RFC3: variants seen among roughly 807,000 people sequenced by gnomAD.
RFC3 encodes A1 38 kDa subunit.
RFC3 carries 41 observed loss-of-function variants against 45.1 expected under a neutral mutation model. That is an observed-to-expected ratio of 0.91 (90% CI 0.71 to 1.18). The LOEUF (loss-of-function observed/expected upper bound fraction) is 1.18. Among genes scored for constraint, RFC3 ranks in the 50% most tolerant of loss-of-function variants. RFC3 has a pLI of 0.00. For missense variants in RFC3, 423 were observed against 428.1 expected, an observed-to-expected ratio of 0.99 and a Z score of 0.10; for synonymous variants, 149 against 144.0, an observed-to-expected ratio of 1.03 and a Z score of -0.25.
the RFC3 span, among the ~76,000 whole-genome samples, chr13:33,974,678 G>C: frequency 1.3e-5 from 2 of 152,138 alleles, no homozygotes; most frequent in African/African-American, 4.8e-5. Flanking sequence ...TATCAGAATA[G>C]ATTTTAAAGA....
At chr13:33,974,042 C>T in the RFC3 span, among the ~76,000 whole-genome samples, 1 of 152,110 alleles carries the variant, frequency 6.6e-6, no homozygotes, top group Non-Finnish European at 1.5e-5. Context: ...AGATACAGGA[C>T]TGGCAGTAAC....
At chr13:33,933,931 T>G in intron 8 of RFC3, among the ~76,000 whole-genome samples, 1 of 143,860 alleles carries the variant, frequency 7.0e-6, no homozygotes. Context: ...GGGAGGGAGA[T>G]GAATGGTATG....
intron 8 of RFC3, among the ~76,000 whole-genome samples, chr13:33,940,075 A>G (rs1001429231): frequency 2.6e-5 from 4 of 151,970 alleles, no homozygotes; most frequent in African/African-American, 9.7e-5. Flanking sequence ...ATTAATTTTT[A>G]TTCCTAATTT....
At chr13:33,830,332 A>C (rs1359849603) in intron 5 of RFC3, among the ~76,000 whole-genome samples, 1 of 152,232 alleles carries the variant, frequency 6.6e-6, no homozygotes, top group Non-Finnish European at 1.5e-5. Context: ...GGAGGCTGGA[A>C]TATTGAGGAA....
intron 8 of RFC3, among the ~76,000 whole-genome samples, chr13:33,867,345 A>G (rs1327169804): frequency 2.0e-5 from 3 of 152,234 alleles, no homozygotes; most frequent in Non-Finnish European, 2.9e-5. Flanking sequence ...TAAAGTAATG[A>G]CCCACCTATA....
At chr13:33,841,049 A>T (rs2082194630), downstream of RFC3, among the ~76,000 whole-genome samples, 1 of 152,136 alleles carries the variant, frequency 6.6e-6, no homozygotes, top group Non-Finnish European at 1.5e-5. Flanking sequence ...GACTATTACC[A>T]CCTGAGCTCC....
chr13:33,818,713 G>A (rs1407151091), intron 1 of RFC3, among the ~76,000 whole-genome samples: 1 of 152,176 alleles, frequency 6.6e-6, no homozygotes, highest in Non-Finnish European at 1.5e-5. Flanking sequence ...AAGACGAGAA[G>A]CCGTTGGAGC....
At chr13:33,867,506 A>G (rs1160844138) in intron 8 of RFC3, among the ~76,000 whole-genome samples, 1 of 152,244 alleles carries the variant, frequency 6.6e-6, no homozygotes, top group Admixed American at 6.5e-5. Flanking sequence ...GAAGAGGGGA[A>G]AATAAGAATC....
chr13:33,848,372 C>A (rs1269964415), intron 8 of RFC3: 1 of 152,196 alleles, frequency 6.6e-6, no homozygotes, highest in Non-Finnish European at 1.5e-5. Flanking sequence ...GTTCATGAGA[C>A]AACTCAGTTT....
chr13:33,820,956 G>A (rs989477364), intron 1 of RFC3, among the ~76,000 whole-genome samples, 176 bp from the exon 2 acceptor site: 9 of 149,620 alleles, frequency 6.0e-5, no homozygotes, highest in African/African-American at 2.2e-4. Flanking sequence ...AATATTTTGT[G>A]TATCTACCCA....
chr13:33,902,288 C>CCA (rs774249388), intron 8 of RFC3, among the ~76,000 whole-genome samples: 2 of 151,982 alleles, frequency 1.3e-5, no homozygotes, highest in Admixed American at 1.3e-4. Context: ...TGTCTGCCTG[C>CCA]CATAGTTTGA....
At chr13:33,902,824 G>T (rs903839177) in intron 8 of RFC3, among the ~76,000 whole-genome samples, 1 of 151,878 alleles carries the variant, frequency 6.6e-6, no homozygotes, top group African/African-American at 2.4e-5. Context: ...TGCTCCAGGG[G>T]TGTCCAGTGT....
intron 8 of RFC3, among the ~76,000 whole-genome samples, chr13:33,928,724 G>GTTTAAA (rs558225540): frequency 6.6e-5 from 10 of 152,068 alleles, no homozygotes; most frequent in Non-Finnish European, 1.5e-4. Context: ...ATAGCAGCTT[G>GTTTAAA]CCTGTGTTTA....
intron 8 of RFC3, among the ~76,000 whole-genome samples, chr13:33,851,771 T>C (rs910441931): frequency 2.6e-5 from 4 of 152,188 alleles, no homozygotes; most frequent in African/African-American, 7.2e-5. Context: ...TGCACACACA[T>C]ATGATCCAAT....
intron 8 of RFC3, among the ~76,000 whole-genome samples, chr13:33,861,730 A>G (rs1278124930): frequency 1.3e-5 from 2 of 152,060 alleles, no homozygotes; most frequent in Non-Finnish European, 1.5e-5. Flanking sequence ...GCAAGGAGGT[A>G]GTTCAACCTG....
chr13:33,899,990 A>T (rs2082629373), intron 8 of RFC3, among the ~76,000 whole-genome samples: 1 of 152,022 alleles, frequency 6.6e-6, no homozygotes, highest in Non-Finnish European at 1.5e-5. Flanking sequence ...AAAGATCTAT[A>T]CAAGAAAACC....
At position 33,821,137 on chromosome 13, in the gene RFC3, G is replaced by A. The variant is rs966490194; in HGVS notation, c.93G>A (p.Gln31=). 1.9e-6 allele frequency: 3 copies of A among 1,613,452 alleles called. No individual in the cohort carries two copies. Among genetic ancestry groups the A allele is most frequent in the Non-Finnish European group, 2.5e-6 (3 of 1,179,656 alleles). The part of the protein sequence containing the change: ...EQAAQLRNLV[Q]CGDFPHLLVY... ...GCCTTGTTCTTTTTTTTCAGGTGCA[G>A]TGTGGTGACTTTCCTCATCTGTTAG... Residue 31 remains glutamine (Q), a synonymous_variant, in exon 2 of 9, where the codon CAG becomes CAA. Coordinates refer to ENST00000380071, the MANE Select transcript of RFC3 (RefSeq NM_002915.4).
At chr13:33,848,499 C>G (rs187850454) in intron 8 of RFC3, 1 of 152,216 alleles carries the variant, frequency 6.6e-6, no homozygotes, top group African/African-American at 2.4e-5. Context: ...TCACCAGCAT[C>G]TGTTAAACCA....
At chr13:33,877,737 T>C (rs1298971200) in intron 8 of RFC3, among the ~76,000 whole-genome samples, 1 of 148,430 alleles carries the variant, frequency 6.7e-6, no homozygotes, top group East Asian at 1.9e-4. Flanking sequence ...TAATATATGG[T>C]GCTTTGAATT....
Sources: gnomAD v4.1 joint callset for allele counts (sites outside exome capture counted in the v4.1 genomes callset) on GRCh38, gnomAD v4.1.1 for gene constraint, MANE v1.5 for transcripts, NCBI Gene and HGNC (gene_info 2026-07-23, HGNC 2026-07-21) for gene names.